ANGPT1: variants seen among roughly 807,000 people sequenced by gnomAD.
ANGPT1 encodes the protein angiopoietin-1.
A neutral mutation model predicts 62.2 loss-of-function variants in ANGPT1; 17 were observed. The ratio of observed to expected loss-of-function variants is 0.27; its 90% CI spans 0.19 to 0.41. ANGPT1 has a LOEUF of 0.41. Ranked by LOEUF, ANGPT1 falls within the 10% of genes least tolerant of loss-of-function variation. The pLI is 1.00. For synonymous variants in ANGPT1, 199 were observed against 198.9 expected (o/e 1.00, Z 0.00); for missense variants, 478 against 594.9 (o/e 0.80, Z 2.04).
At chr8:107,484,493 C>T (rs1005392107) in intron 1 of ANGPT1, among the ~76,000 whole-genome samples, 1 of 152,112 alleles carries the variant, frequency 6.6e-6, no homozygotes, top group African/African-American at 2.4e-5. Flanking sequence ...CCTCGACCTC[C>T]CGGGCTCAAA....
At position 107,299,950 on chromosome 8, in the gene ANGPT1, ACTGTATATAT is replaced by A. The variant is rs551870017; in HGVS notation, c.936+3280_936+3289del. 3.6e-3 allele frequency among the ~76,000 whole-genome samples: 492 copies of A among 135,672 alleles called. 15 individuals are homozygous for A. Among genetic ancestry groups the A allele is most frequent in the African/African-American group, 0.013 (469 of 36,446 alleles). The allele number at this position is 135,672 out of a possible 152,430, so 89.0% of individuals were successfully genotyped here. ...TAGATATGTAGTTATATCTAGATAT[ACTGTATATAT>A]ACTATATACTAGTTATATCTAGATA... On this transcript the variant is annotated intron_variant, in intron 5 of 8. Coordinates refer to ENST00000517746, the MANE Select transcript of ANGPT1 (RefSeq NM_001146.5).
At chr8:107,374,512 G>A (rs957887347) in intron 1 of ANGPT1, among the ~76,000 whole-genome samples, 14 of 152,280 alleles carry the variant, frequency 9.2e-5, no homozygotes, top group Non-Finnish European at 1.6e-4. Context: ...AGTGGGGGAC[G>A]AAATCCAATT....
chr8:107,287,344 T>C (rs1814166965), intron 6 of ANGPT1, among the ~76,000 whole-genome samples: 1 of 152,168 alleles, frequency 6.6e-6, no homozygotes, highest in African/African-American at 2.4e-5. Flanking sequence ...TACTTCCCTC[T>C]AAATGGAAAT....
intron 1 of ANGPT1, among the ~76,000 whole-genome samples, chr8:107,373,183 T>A (rs1672191): frequency 0.75 from 113,242 of 151,980 alleles, 43,054 homozygotes; most frequent in East Asian, 0.87. Flanking sequence ...TAAATCCTTC[T>A]CCATTTCCTA....
intron 1 of ANGPT1, among the ~76,000 whole-genome samples, chr8:107,475,459 A>ATG: frequency 6.6e-5 from 10 of 152,084 alleles, no homozygotes; most frequent in African/African-American, 2.2e-4. Context: ...AGACTTAACC[A>ATG]TTAGACCTAA....
intron 6 of ANGPT1, among the ~76,000 whole-genome samples, chr8:107,286,361 T>C (rs1814140970): frequency 6.6e-6 from 1 of 152,134 alleles, no homozygotes; most frequent in South Asian, 2.1e-4. Flanking sequence ...AAATTACGAA[T>C]TGTTGGAACT....
intron 1 of ANGPT1, among the ~76,000 whole-genome samples, chr8:107,485,914 C>G (rs1812801522): frequency 1.3e-5 from 2 of 152,202 alleles, no homozygotes; most frequent in African/African-American, 2.4e-5. Flanking sequence ...CAATTAAGCT[C>G]TATAACTTCA....
At chr8:107,459,268 G>A (rs1812001735) in intron 1 of ANGPT1, among the ~76,000 whole-genome samples, 1 of 152,092 alleles carries the variant, frequency 6.6e-6, no homozygotes, top group Admixed American at 6.6e-5. Flanking sequence ...AGTAGATTAT[G>A]GCCAGGCACA....
intron 1 of ANGPT1, among the ~76,000 whole-genome samples, chr8:107,495,428 T>A (rs1223575452): frequency 6.6e-6 from 1 of 152,178 alleles, no homozygotes; most frequent in African/African-American, 2.4e-5. Flanking sequence ...TAAATTAACA[T>A]ATGAAACACG....
intron 1 of ANGPT1, among the ~76,000 whole-genome samples, chr8:107,423,773 T>C (rs996968038): frequency 1.3e-5 from 2 of 151,814 alleles, no homozygotes; most frequent in African/African-American, 4.8e-5. Context: ...CTAATCTAGT[T>C]GTTAGTTGTT....
intron 3 of ANGPT1, among the ~76,000 whole-genome samples, chr8:107,333,845 A>C (rs1012937437): frequency 4.0e-5 from 6 of 151,844 alleles, no homozygotes; most frequent in African/African-American, 1.5e-4. Context: ...GCTGCATAAA[A>C]ATCATGATGG....
intron 7 of ANGPT1, among the ~76,000 whole-genome samples, chr8:107,271,180 T>C (rs1030152597): frequency 6.6e-6 from 1 of 152,046 alleles, no homozygotes; most frequent in Non-Finnish European, 1.5e-5. Context: ...TCACAGAGTT[T>C]GTAGTGTACC....
chr8:107,355,121 C>T (rs1032310413), intron 1 of ANGPT1, among the ~76,000 whole-genome samples: 1 of 151,952 alleles, frequency 6.6e-6, no homozygotes. Context: ...AGGCTGGTCT[C>T]GAAGTCCTGA....
chr8:107,345,968 T>C (rs1815795817), intron 2 of ANGPT1, among the ~76,000 whole-genome samples: 1 of 152,190 alleles, frequency 6.6e-6, no homozygotes, highest in Non-Finnish European at 1.5e-5. Flanking sequence ...TTTTATAAAC[T>C]AGCTGCATGA....
intron 7 of ANGPT1, among the ~76,000 whole-genome samples, chr8:107,268,199 G>C (rs542243309): frequency 6.6e-6 from 1 of 152,132 alleles, no homozygotes; most frequent in South Asian, 2.1e-4. Context: ...TGGATGATGG[G>C]TTTACTAACT....
intron 6 of ANGPT1, among the ~76,000 whole-genome samples, chr8:107,290,666 A>T (rs1206876244): frequency 6.6e-6 from 1 of 152,222 alleles, no homozygotes; most frequent in African/African-American, 2.4e-5. Flanking sequence ...TAGCCAGAAT[A>T]TTTCAAAATG....
At chr8:107,313,606 A>AT (rs1163888071) in intron 4 of ANGPT1, among the ~76,000 whole-genome samples, 27 of 146,586 alleles carry the variant, frequency 1.8e-4, no homozygotes, top group African/African-American at 2.5e-4. Flanking sequence ...CTCCTGGCTA[A>AT]TTTTTTTTTT....
intron 4 of ANGPT1, among the ~76,000 whole-genome samples, chr8:107,310,683 G>T (rs1471613924): frequency 3.9e-5 from 6 of 152,158 alleles, no homozygotes. Context: ...AGCCGTGACA[G>T]CCCACAATGT....
At chr8:107,275,625 T>C (rs1813846419) in intron 7 of ANGPT1, among the ~76,000 whole-genome samples, 1 of 152,158 alleles carries the variant, frequency 6.6e-6, no homozygotes, top group South Asian at 2.1e-4. Context: ...CACATATGGG[T>C]ATGCACCTGC....
Sources: allele counts gnomAD v4.1 joint callset (sites outside exome capture counted in the v4.1 genomes callset), GRCh38; gene constraint gnomAD v4.1.1; transcripts MANE v1.5; gene names NCBI Gene and HGNC (gene_info 2026-07-23, HGNC 2026-07-21).